Variants in TMEM168 observed in about 807,000 individuals in gnomAD.
The protein encoded by TMEM168 is transmembrane protein 168.
A neutral mutation model predicts 53.2 loss-of-function variants in TMEM168; 40 were observed. That is an observed-to-expected ratio of 0.75 (90% confidence interval 0.58 to 0.98). The LOEUF (loss-of-function observed/expected upper bound fraction) is 0.98, where lower values mean the gene tolerates loss of function less well. TMEM168 is among the 50% of genes least tolerant of loss of function. The pLI, the probability that TMEM168 is intolerant of heterozygous loss-of-function variation, is 0.00. For missense variants in TMEM168, 771 were observed against 828.8 expected (o/e 0.93, Z 0.86); for synonymous variants, 282 against 293.0 (o/e 0.96, Z 0.38).
chr7:112,783,562 T>G (rs1584450200), intron 2 of TMEM168, 136 bp downstream of exon 2: 1 of 932,014 alleles, frequency 1.1e-6, no homozygotes, highest in Non-Finnish European at 1.5e-6. Flanking sequence ...AGTGCTTCAA[T>G]TCCATGAACA....
intron 2 of TMEM168, chr7:112,778,351 G>C (rs1341238662): frequency 6.6e-6 from 1 of 152,192 alleles, no homozygotes; most frequent in Admixed American, 6.5e-5. Context: ...GCACCGCATT[G>C]AGTCTTTTCA....
intron 4 of TMEM168, among the ~76,000 whole-genome samples, chr7:112,768,559 G>C (rs967347770): frequency 2.0e-5 from 3 of 152,080 alleles, no homozygotes; most frequent in African/African-American, 7.2e-5. Flanking sequence ...TACCCAGAAA[G>C]TTCTAAAGTA....
At position 112,774,737 on chromosome 7, in the gene TMEM168, C is replaced by T. The variant is rs147672171; in HGVS notation, c.1271+439G>A. ...CTGGGATTGCAGGTACCTGCCACCA[C>T]ACCTGGCTAATTTTTGTATTTTCAG... On this transcript the variant is annotated intron_variant, in intron 3 of 4. Transcript: ENST00000312814. 8.9e-4 allele frequency among the ~76,000 whole-genome samples: 136 copies of T among 152,148 alleles called. 3 individuals carry two copies. In the East Asian group the frequency reaches 0.025, roughly 28 times the overall value.
In TMEM168 at chr7:112,764,118, AAAGTAT is replaced by A. The variant is rs994355876; in HGVS notation, c.*3073_*3078del. 13 of 147,622 alleles carry A rather than the reference AAAGTAT, an allele frequency of 8.8e-5. No individual in the cohort carries two copies. Among genetic ancestry groups the A allele is most frequent in the African/African-American group, 3.2e-4 (13 of 40,526 alleles). The allele number at this position is 147,622 out of a possible 1,614,324, so 9.1% of individuals were successfully genotyped here. On this transcript the variant is annotated 3_prime_UTR_variant, in exon 5 of 5. Transcript: ENST00000312814. Reference sequence around the variant, plus strand: ...TATTTGCACATGTACCCTAAAACTTAAAGTATAATAATAATAAAATTAAAATAAATA... The same window carrying A: ...TATTTGCACATGTACCCTAAAACTTAAATAATAATAAAATTAAAATAAATA...
intron 1 of TMEM168, among the ~76,000 whole-genome samples, chr7:112,786,602 T>C (rs530366567): frequency 6.6e-6 from 1 of 152,318 alleles, no homozygotes; most frequent in South Asian, 2.1e-4. Flanking sequence ...CATTGAGTTT[T>C]TTTTTTTTAA....
chr7:112,773,042 G>A lies in TMEM168; in HGVS notation c.1285C>T (p.Pro429Ser). Residue 429 changes from proline (P) to serine (S), a missense_variant, in exon 4 of 5, where the codon CCA (proline) becomes TCA (serine). Pro to Ser is a moderately conservative substitution (Grantham distance 74, BLOSUM62 -1). Coordinates refer to ENST00000312814, the MANE Select transcript of TMEM168 (RefSeq NM_022484.6). ...ACATGTTCTGGGGGAAGCAGTGTTGGCTGACCATCAGGACTGAAGTAGGAG... is the reference window on the plus strand; with the variant it reads ...ACATGTTCTGGGGGAAGCAGTGTTGACTGACCATCAGGACTGAAGTAGGAG... ...PTNFCSPDGQ[P>S]TLLPPEHVQE... The A allele has an allele frequency of 6.2e-7, 1 of 1,604,366 alleles. No individual in the cohort carries two copies. Among genetic ancestry groups the A allele is most frequent in the South Asian group, 1.1e-5 (1 of 90,654 alleles).
At chr7:112,772,705 G>A in intron 4 of TMEM168, 76 bp downstream of exon 4, 2 of 1,495,310 alleles carry the variant, frequency 1.3e-6, no homozygotes, top group Non-Finnish European at 1.8e-6. Flanking sequence ...GAAATTTAAC[G>A]ACTGTGTGTG....
At chr7:112,783,114 A>T (rs1342562640) in intron 2 of TMEM168, among the ~76,000 whole-genome samples, 2 of 152,214 alleles carry the variant, frequency 1.3e-5, no homozygotes, top group Non-Finnish European at 2.9e-5. Context: ...TTTAGAAAAC[A>T]TTTCTGGGCA....
At chr7:112,777,183 T>TA (rs1011638286) in intron 2 of TMEM168, among the ~76,000 whole-genome samples, 5 of 152,120 alleles carry the variant, frequency 3.3e-5, no homozygotes, top group East Asian at 3.9e-4. Context: ...TATGCCTTGT[T>TA]AAAAAAAATC....
chr7:112,790,081 T>G (rs1562873367), intron 1 of TMEM168, 79 bp downstream of exon 1: 1 of 152,234 alleles, frequency 6.6e-6, no homozygotes, highest in Non-Finnish European at 1.5e-5. Context: ...GGGCGGAGCT[T>G]GGGGTCCGGA....
intron 4 of TMEM168, among the ~76,000 whole-genome samples, chr7:112,769,963 G>A (rs747154533): frequency 2.6e-5 from 4 of 152,026 alleles, no homozygotes; most frequent in Non-Finnish European, 5.9e-5. Context: ...ATTAATACTG[G>A]GCCTGCTATC....
At chr7:112,773,140 A>G in intron 3 of TMEM168, 85 bp from the exon 4 acceptor site, 1 of 1,391,180 alleles carries the variant, frequency 7.2e-7, no homozygotes, top group Non-Finnish European at 9.6e-7. Context: ...AGAATCAGTT[A>G]TAATATAGTT....
chr7:112,771,117 G>C (rs2116233591), intron 4 of TMEM168, among the ~76,000 whole-genome samples: 1 of 152,236 alleles, frequency 6.6e-6, no homozygotes, highest in South Asian at 2.1e-4. Flanking sequence ...AAAAGTTATA[G>C]GTCAAGTAAA....
At chr7:112,774,225 T>C (rs1793008522) in intron 3 of TMEM168, among the ~76,000 whole-genome samples, 1 of 152,214 alleles carries the variant, frequency 6.6e-6, no homozygotes, top group Non-Finnish European at 1.5e-5. Flanking sequence ...TACAGATTTA[T>C]ACAGATGTCA....
At chr7:112,779,314 T>C (rs939574246) in intron 2 of TMEM168, among the ~76,000 whole-genome samples, 1 of 152,232 alleles carries the variant, frequency 6.6e-6, no homozygotes, top group African/African-American at 2.4e-5. Flanking sequence ...CACACACAAG[T>C]TAGTATTTTG....
At chr7:112,776,264 A>C (rs1793080597) in intron 2 of TMEM168, among the ~76,000 whole-genome samples, 1 of 152,032 alleles carries the variant, frequency 6.6e-6, no homozygotes, top group African/African-American at 2.4e-5. Flanking sequence ...ACATATAAGC[A>C]TTGTAAAAGC....
chr7:112,768,835 T>C (rs1792856730), intron 4 of TMEM168, among the ~76,000 whole-genome samples: 1 of 152,072 alleles, frequency 6.6e-6, no homozygotes, highest in Non-Finnish European at 1.5e-5. Flanking sequence ...ACCTTCCCAT[T>C]TGGGAAATGG....
At position 112,772,919 on chromosome 7, in the gene TMEM168, T is replaced by G. The variant is rs748447487; in HGVS notation, c.1408A>C (p.Ser470Arg). The change falls in exon 4 of 5, where the codon AGT becomes CGT. Residue 470 changes from serine to arginine, a missense_variant. By Grantham distance (110) the Ser-to-Arg change is moderately radical. Transcript: ENST00000312814. ...IETYGCDYST[S>R]GLSFDTLHSK... ...TGCAGAGTATCAAATGACAGTCCAC[T>G]TGTGGAATAGTCACATCCATAGGTC... The G allele has an allele frequency of 1.2e-6, 2 of 1,614,080 alleles. No individual in the cohort carries two copies. The highest frequency in any genetic ancestry group is 4.5e-5 in the East Asian group (2 of 44,860).
chr7:112,775,385 C>A, intron 2 of TMEM168, 67 bp from the exon 3 acceptor site: 1 of 1,297,374 alleles, frequency 7.7e-7, no homozygotes, highest in Non-Finnish European at 1.0e-6. Flanking sequence ...CATGCATGCA[C>A]ATTGATTCAC....
Sources: gnomAD v4.1 joint callset for allele counts (sites outside exome capture counted in the v4.1 genomes callset) on GRCh38, gnomAD v4.1.1 for gene constraint, MANE v1.5 for transcripts, NCBI Gene and HGNC (gene_info 2026-07-23, HGNC 2026-07-21) for gene names.